H4C16: variants seen among roughly 807,000 people sequenced by gnomAD.
H4C16 encodes the protein histone H4.
chr12:14,770,977 G>C, the H4C16 span: 2 of 1,614,218 alleles, frequency 1.2e-6, no homozygotes, highest in Non-Finnish European at 1.7e-6. Context: ...GGGCGAGACG[G>C]CGAATCGCCG....
the H4C16 span, chr12:14,771,088 G>A: frequency 6.3e-7 from 1 of 1,585,048 alleles, no homozygotes; most frequent in Non-Finnish European, 8.6e-7. Flanking sequence ...CAGACATTCT[G>A]AAATCACAGC....
At chr12:14,771,045 C>A in the H4C16 span, 54 of 1,611,128 alleles carry the variant, frequency 3.4e-5, no homozygotes, top group East Asian at 2.2e-5. Context: ...TTGGCGCCTC[C>A]CTTACCCAGC....
chr12:14,770,739 C>CTTTTG, the H4C16 span: 1 of 1,561,596 alleles, frequency 6.4e-7, no homozygotes, highest in African/African-American at 1.4e-5. Context: ...TGAAAAGGGC[C>CTTTTG]TTTTGGAGTC....
chr12:14,771,056 C>T, the H4C16 span: 7 of 1,606,826 alleles, frequency 4.4e-6, no homozygotes, highest in African/African-American at 6.7e-5. Flanking sequence ...CTTACCCAGC[C>T]CCTTGCCACC....
the H4C16 span, chr12:14,770,989 C>T: frequency 6.2e-7 from 1 of 1,614,216 alleles, no homozygotes; most frequent in Non-Finnish European, 8.5e-7. Context: ...GAATCGCCGG[C>T]TTTGTAATGC....
At chr12:14,770,747 G>A in the H4C16 span, 1 of 1,574,216 alleles carries the variant, frequency 6.4e-7, no homozygotes, top group Non-Finnish European at 8.6e-7. Context: ...GCCTTTTGGA[G>A]TCTGTAGAGA....
chr12:14,770,837 G>T, the H4C16 span: 7 of 1,614,076 alleles, frequency 4.3e-6, no homozygotes, highest in Admixed American at 1.0e-4. Flanking sequence ...ATCCATGGCC[G>T]TGACGGTCTT....
chr12:14,770,986 C>T, the H4C16 span: 16 of 1,614,112 alleles, frequency 9.9e-6, no homozygotes, highest in South Asian at 1.2e-4. Flanking sequence ...GGCGAATCGC[C>T]GGCTTTGTAA....
the H4C16 span, chr12:14,770,919 G>A: frequency 8.1e-6 from 13 of 1,614,070 alleles, no homozygotes; most frequent in South Asian, 4.4e-5. Context: ...AGGACTCCCC[G>A]GGTCTCCTCG....
the H4C16 span, chr12:14,771,055 C>T: frequency 6.2e-7 from 1 of 1,606,602 alleles, no homozygotes; most frequent in Non-Finnish European, 8.5e-7. Context: ...CCTTACCCAG[C>T]CCCTTGCCAC....
chr12:14,770,946 T>A, the H4C16 span: 1 of 1,614,212 alleles, frequency 6.2e-7, no homozygotes, highest in East Asian at 2.2e-5. Flanking sequence ...AGACCAGAAA[T>A]GCGCTTGACG....
At chr12:14,771,125 C>G in the H4C16 span, 1 of 1,543,306 alleles carries the variant, frequency 6.5e-7, no homozygotes, top group Non-Finnish European at 8.8e-7. Flanking sequence ...ATCGGGCTGC[C>G]CACTGTGATT....
At chr12:14,770,878 G>A in the H4C16 span, 2 of 1,614,206 alleles carry the variant, frequency 1.2e-6, no homozygotes, top group Admixed American at 1.7e-5. Flanking sequence ...AAGTCACCGC[G>A]TCACGGATCA....
At chr12:14,770,736 G>A in the H4C16 span, 4 of 1,547,398 alleles carry the variant, frequency 2.6e-6, no homozygotes, top group Non-Finnish European at 3.5e-6. Flanking sequence ...CCCTGAAAAG[G>A]GCCTTTTGGA....
At chr12:14,770,922 T>A in the H4C16 span, 1 of 1,613,136 alleles carries the variant, frequency 6.2e-7, no homozygotes, top group Non-Finnish European at 8.5e-7. Flanking sequence ...ACTCCCCGGG[T>A]CTCCTCGTAG....
chr12:14,770,880 C>T, the H4C16 span: 1 of 1,614,220 alleles, frequency 6.2e-7, no homozygotes, highest in South Asian at 1.1e-5. Flanking sequence ...GTCACCGCGT[C>T]ACGGATCACG....
At chr12:14,771,015 G>A in the H4C16 span, 1 of 1,614,052 alleles carries the variant, frequency 6.2e-7, no homozygotes, top group Admixed American at 1.7e-5. Context: ...ATATTGTCCC[G>A]CAGCACCTTC....
chr12:14,770,778 C>T, the H4C16 span: 5 of 1,609,194 alleles, frequency 3.1e-6, no homozygotes, highest in Non-Finnish European at 4.2e-6. Flanking sequence ...ACAGCTCAAC[C>T]GCCGAAACCA....
At chr12:14,770,976 G>GA in the H4C16 span, 2 of 1,614,224 alleles carry the variant, frequency 1.2e-6, no homozygotes, top group Non-Finnish European at 1.7e-6. Context: ...CGGGCGAGAC[G>GA]GCGAATCGCC....
Sources: gnomAD v4.1 joint callset for allele counts on GRCh38, gnomAD v4.1.1 for gene constraint, MANE v1.5 for transcripts, NCBI Gene and HGNC (gene_info 2026-07-23, HGNC 2026-07-21) for gene names.